PRIM2: variants seen among roughly 807,000 people sequenced by gnomAD.
The protein encoded by PRIM2 is DNA primase large subunit.
A neutral mutation model predicts 67.3 loss-of-function variants in PRIM2; 39 were observed. The observed-to-expected ratio is 0.58, with a 90% confidence interval of 0.45 to 0.76. The LOEUF (loss-of-function observed/expected upper bound fraction) is 0.76, where lower values mean the gene tolerates loss of function less well. Among genes scored for constraint, PRIM2 ranks in the 30% least tolerant of loss-of-function variants. The pLI is 0.00. For missense variants in PRIM2, 398 were observed against 598.7 expected (o/e 0.66, Z 3.50); for synonymous variants, 143 against 198.7 (o/e 0.72, Z 2.36).
At chr6:57,236,382 T>C in the PRIM2 span, among the ~76,000 whole-genome samples, 1 of 151,940 alleles carries the variant, frequency 6.6e-6, no homozygotes, top group Non-Finnish European at 1.5e-5. Flanking sequence ...CTTTTATTCA[T>C]TCTACACTTT....
intron 11 of PRIM2, among the ~76,000 whole-genome samples, 188 bp downstream of exon 11, chr6:57,601,407 G>T (rs1405411043): frequency 1.3e-5 from 2 of 152,206 alleles, no homozygotes; most frequent in East Asian, 3.8e-4. Context: ...ACTAGGTCAG[G>T]CAAGAGAAAT....
chr6:57,604,390 G>C (rs1362542602), intron 11 of PRIM2, among the ~76,000 whole-genome samples: 2 of 152,132 alleles, frequency 1.3e-5, no homozygotes, highest in Admixed American at 1.3e-4. Flanking sequence ...GGTTTTCTAG[G>C]TATAGAATCA....
chr6:57,573,063 A>G (rs1271494828), intron 10 of PRIM2, among the ~76,000 whole-genome samples: 2 of 152,216 alleles, frequency 1.3e-5, no homozygotes, highest in African/African-American at 2.4e-5. Context: ...GGCTCAAGCA[A>G]TCCTTCTGCC....
At chr6:57,636,677 C>CCTCA (rs1170238159) in intron 13 of PRIM2, among the ~76,000 whole-genome samples, 1 of 152,186 alleles carries the variant, frequency 6.6e-6, no homozygotes, top group African/African-American at 2.4e-5. Flanking sequence ...TGGCACAAAT[C>CCTCA]CTCACTTCAA....
chr6:57,500,933 A>C (rs1318084993), intron 7 of PRIM2, among the ~76,000 whole-genome samples: 18 of 152,186 alleles, frequency 1.2e-4, no homozygotes, highest in Non-Finnish European at 1.9e-4. Flanking sequence ...CCTTGGCATA[A>C]ATTTAGAGGG....
intron 5 of PRIM2, among the ~76,000 whole-genome samples, chr6:57,345,125 A>T (rs1019172006): frequency 4.0e-5 from 6 of 148,326 alleles, no homozygotes; most frequent in Admixed American, 4.0e-4. Context: ...GCTATGTCCT[A>T]TTTGTTTTAT....
intron 13 of PRIM2, among the ~76,000 whole-genome samples, chr6:57,638,227 C>T (rs1232959641): frequency 6.6e-6 from 1 of 152,118 alleles, no homozygotes; most frequent in Non-Finnish European, 1.5e-5. Flanking sequence ...ACTAGGCCTG[C>T]CTTACAAGAG....
upstream of PRIM2, among the ~76,000 whole-genome samples, chr6:57,314,564 A>G (rs1187635311): frequency 1.3e-5 from 2 of 152,230 alleles, no homozygotes; most frequent in Non-Finnish European, 2.9e-5. Flanking sequence ...TCAGTTTCAT[A>G]AGTATTTATT....
At chr6:57,569,078 G>C (rs2127480849) in intron 10 of PRIM2, among the ~76,000 whole-genome samples, 1 of 152,318 alleles carries the variant, frequency 6.6e-6, no homozygotes, top group Admixed American at 6.5e-5. Flanking sequence ...ATGATTATTT[G>C]GGTCTGTTAA....
At chr6:57,408,891 T>C (rs533531415) in intron 7 of PRIM2, among the ~76,000 whole-genome samples, 1 of 152,322 alleles carries the variant, frequency 6.6e-6, no homozygotes, top group African/African-American at 2.4e-5. Context: ...GTAAAATTTT[T>C]TGTAGAGACA....
intron 7 of PRIM2, among the ~76,000 whole-genome samples, chr6:57,400,158 T>C (rs1770657094): frequency 6.6e-6 from 1 of 152,300 alleles, no homozygotes; most frequent in African/African-American, 2.4e-5. Flanking sequence ...TGTTAGCTGG[T>C]TATTCTGCTG....
At chr6:57,338,921 G>C (rs191104925) in intron 5 of PRIM2, among the ~76,000 whole-genome samples, 1 of 152,136 alleles carries the variant, frequency 6.6e-6, no homozygotes, top group African/African-American at 2.4e-5. Context: ...AATCGTCCCT[G>C]TTTGCAGATG....
chr6:57,489,878 C>T (rs1773850325), intron 7 of PRIM2, among the ~76,000 whole-genome samples: 3 of 150,434 alleles, frequency 2.0e-5, no homozygotes, highest in Admixed American at 6.6e-5. Flanking sequence ...TCGTGTAGGG[C>T]GCAGGGTGTC....
chr6:57,221,802 G>A, the PRIM2 span: 2 of 152,540 alleles, frequency 1.3e-5, no homozygotes, highest in Admixed American at 1.3e-4. Context: ...TCGGTGCTCA[G>A]GGAGGGGAGA....
At position 57,418,382 on chromosome 6, in the gene PRIM2, G is replaced by GT. The variant is rs370789763; in HGVS notation, c.693+36214_693+36215insT. ...ATAAGGTAATGTTTCCTATGTGTGTGGTTTTTTTTTTTTTTTTTTTTTTTT... is the reference window on the plus strand; with the variant it reads ...ATAAGGTAATGTTTCCTATGTGTGTGTGTTTTTTTTTTTTTTTTTTTTTTTT... On this transcript the variant is annotated intron_variant, in intron 7 of 13. Transcript: ENST00000615550. 2.6e-4 allele frequency among the ~76,000 whole-genome samples: 8 copies of GT among 30,604 alleles called. 1 individual carries two copies. The highest frequency in any genetic ancestry group is 4.4e-4 in the Non-Finnish European group (7 of 15,902). The allele number at this position is 30,604 out of a possible 152,430, so 20.1% of individuals were successfully genotyped here. A position where few individuals can be genotyped will look rare whatever the true frequency, so the allele number is the denominator to read the frequency against.
At chr6:57,337,250 C>T (rs2127289147) in intron 5 of PRIM2, among the ~76,000 whole-genome samples, 1 of 152,200 alleles carries the variant, frequency 6.6e-6, no homozygotes, top group Admixed American at 6.5e-5. Flanking sequence ...GACTCCCACA[C>T]ATTAATAATG....
intron 9 of PRIM2, 82 bp from the exon 10 acceptor site, chr6:57,537,358 G>T: frequency 9.0e-6 from 6 of 669,612 alleles, no homozygotes; most frequent in South Asian, 4.1e-5. Context: ...CAATTAAATT[G>T]AATTAGGAAC....
rs557713825 is a variant in PRIM2 at position 57,363,077 on chromosome 6, A to G, written c.460-16824A>G. 1.1e-4 allele frequency among the ~76,000 whole-genome samples: 17 copies of G among 152,280 alleles called. No homozygotes were observed. The East Asian group carries it at 3.3e-3, about 29-fold the overall frequency. On this transcript the variant is annotated intron_variant, in intron 5 of 13. Coordinates refer to ENST00000615550, the MANE Select transcript of PRIM2 (RefSeq NM_000947.5). The stretch of plus-strand genomic sequence containing the variant: ...TAAGATCAGAAAGTTTGTTAATCTA[A>G]TATTTAATGTTAAATTATTGAAATA...
At chr6:57,491,493 T>TA (rs1198775578) in intron 7 of PRIM2, among the ~76,000 whole-genome samples, 7 of 152,242 alleles carry the variant, frequency 4.6e-5, no homozygotes, top group African/African-American at 1.7e-4. Flanking sequence ...GCATTTTTGT[T>TA]AAAGAGATAC....
Sources: gnomAD v4.1 joint callset for allele counts (sites outside exome capture counted in the v4.1 genomes callset) on GRCh38, gnomAD v4.1.1 for gene constraint, MANE v1.5 for transcripts, NCBI Gene and HGNC (gene_info 2026-07-23, HGNC 2026-07-21) for gene names.